The following CSNK1G1 variants were observed in gnomAD, a reference collection of about 807,000 sequenced individuals.
CSNK1G1 encodes the protein casein kinase 1 gamma 1.
CSNK1G1 carries 22 observed loss-of-function variants against 59.6 expected under a neutral mutation model. The ratio of observed to expected loss-of-function variants is 0.37; its 90% confidence interval spans 0.26 to 0.53. The LOEUF is 0.53. Among genes scored for constraint, CSNK1G1 ranks in the 20% least tolerant of loss-of-function variants. The pLI, the probability that CSNK1G1 is intolerant of heterozygous loss-of-function variation, is 0.89. For synonymous variants in CSNK1G1, 179 were observed against 177.1 expected (o/e 1.01, Z -0.08); for missense variants, 384 against 519.5 (o/e 0.74, Z 2.54).
chr15:64,213,820 G>C lies in CSNK1G1; in HGVS notation c.679+70C>G, dbSNP rs973216202. ...ACCACAAGTTGTAATGCACAATGGG[G>C]ATATAATGTTACAGAAATAATAAAC... On this transcript the variant is annotated intron_variant, in intron 6 of 11. Coordinates refer to ENST00000303052, the MANE Select transcript of CSNK1G1 (RefSeq NM_022048.5). 4 of 1,036,554 alleles carry C rather than the reference G, an allele frequency of 3.9e-6. No individual in the cohort carries two copies. The African/African-American group carries it at 6.3e-5, about 16-fold the overall frequency. 64.2% of individuals were successfully genotyped at this position (1,036,554 alleles called of 1,614,324 possible). A position where few individuals can be genotyped will look rare whatever the true frequency, so the allele number is the denominator to read the frequency against.
intron 3 of CSNK1G1, among the ~76,000 whole-genome samples, chr15:64,254,353 C>CTTTTTTT: frequency 7.4e-6 from 1 of 135,194 alleles, no homozygotes; most frequent in Non-Finnish European, 1.6e-5. Context: ...TGCCATTGAA[C>CTTTTTTT]TTTTTTTTTT....
At chr15:64,229,056 C>G (rs1167081489) in intron 4 of CSNK1G1, among the ~76,000 whole-genome samples, 1 of 148,742 alleles carries the variant, frequency 6.7e-6, no homozygotes, top group Non-Finnish European at 1.5e-5. Flanking sequence ...AAAAATACTA[C>G]AGAGTGGATA....
At chr15:64,231,977 A>G (rs189147731) in intron 4 of CSNK1G1, among the ~76,000 whole-genome samples, 1 of 152,320 alleles carries the variant, frequency 6.6e-6, no homozygotes, top group Admixed American at 6.5e-5. Flanking sequence ...CCCTCAAATT[A>G]CCCAGCATAG....
At chr15:64,221,670 T>C (rs958395926) in intron 4 of CSNK1G1, among the ~76,000 whole-genome samples, 8 of 151,698 alleles carry the variant, frequency 5.3e-5, no homozygotes, top group Admixed American at 1.3e-4. Context: ...GCACATTCCT[T>C]AGCCTCTCTG....
chr15:64,225,980 C>G (rs1300325919), intron 4 of CSNK1G1, among the ~76,000 whole-genome samples: 1 of 152,180 alleles, frequency 6.6e-6, no homozygotes, highest in Non-Finnish European at 1.5e-5. Context: ...AATCAGGGCT[C>G]TTGAGCCACC....
At position 64,167,633 on chromosome 15, in the gene CSNK1G1, G is replaced by C. The variant is rs1023349433; in HGVS notation, c.*4298C>G. The C allele has an allele frequency of 5.2e-5, 8 of 152,688 alleles. No individual in the cohort carries two copies. Among genetic ancestry groups the C allele is most frequent in the Non-Finnish European group, 7.3e-5 (5 of 68,066 alleles). 9.5% of individuals were successfully genotyped at this position (152,688 alleles called of 1,614,324 possible). ...CAATGTTGGCTGTATGGTGTTGCAG[G>C]CTCCCAATCTGAGAAACGAACCTTA... is the stretch of plus-strand genomic sequence containing the variant. On this transcript the variant is annotated 3_prime_UTR_variant, in exon 12 of 12. Coordinates refer to ENST00000303052, the MANE Select transcript of CSNK1G1 (RefSeq NM_022048.5).
At chr15:64,341,750 T>C (rs548405128) in intron 1 of CSNK1G1, among the ~76,000 whole-genome samples, 32 of 152,270 alleles carry the variant, frequency 2.1e-4, no homozygotes, top group African/African-American at 7.2e-4. Context: ...TTAAACTGTC[T>C]TAAGACTAAG....
At chr15:64,307,395 C>G (rs1345841646) in intron 1 of CSNK1G1, among the ~76,000 whole-genome samples, 4 of 152,074 alleles carry the variant, frequency 2.6e-5, no homozygotes, top group African/African-American at 7.2e-5. Context: ...TATTACAAAA[C>G]CTGTACAAAA....
chr15:64,203,820 G>C (rs1369321628), intron 9 of CSNK1G1, among the ~76,000 whole-genome samples: 3 of 151,484 alleles, frequency 2.0e-5, no homozygotes, highest in Admixed American at 6.6e-5. Context: ...CAAAGGTCAA[G>C]TACATTAACA....
intron 6 of CSNK1G1, among the ~76,000 whole-genome samples, chr15:64,212,397 TATTAC>T (rs2082259208): frequency 6.6e-6 from 1 of 152,214 alleles, no homozygotes; most frequent in Non-Finnish European, 1.5e-5. Context: ...ACTTAGTAGA[TATTAC>T]ATTAGTCTTT....
chr15:64,341,401 G>C (rs8028350), intron 1 of CSNK1G1, among the ~76,000 whole-genome samples: 99 of 152,038 alleles, frequency 6.5e-4, no homozygotes, highest in Non-Finnish European at 1.0e-3. Context: ...GCCTCCCAAA[G>C]TGCTGGGAAT....
At chr15:64,229,939 T>TTTTTTA (rs768405168) in intron 4 of CSNK1G1, among the ~76,000 whole-genome samples, 4 of 121,504 alleles carry the variant, frequency 3.3e-5, no homozygotes, top group East Asian at 2.3e-4. Context: ...TTTTTTTTTT[T>TTTTTTA]AAGACAGAAT....
At chr15:64,271,652 A>G (rs962217649) in intron 2 of CSNK1G1, among the ~76,000 whole-genome samples, 1 of 152,094 alleles carries the variant, frequency 6.6e-6, no homozygotes, top group African/African-American at 2.4e-5. Context: ...GGTTCTTTTG[A>G]ATTTGCTGAG....
At chr15:64,303,814 G>C (rs368895710) in intron 1 of CSNK1G1, among the ~76,000 whole-genome samples, 1 of 151,450 alleles carries the variant, frequency 6.6e-6, no homozygotes, top group African/African-American at 2.4e-5. Context: ...GTGACTTGGG[G>C]AGGCTGAAGT....
intron 4 of CSNK1G1, among the ~76,000 whole-genome samples, chr15:64,218,877 T>C (rs1414654784): frequency 2.2e-5 from 3 of 138,384 alleles, no homozygotes; most frequent in East Asian, 4.6e-4. Flanking sequence ...TTTTTTTACA[T>C]GGAGTTTCAC....
chr15:64,296,047 T>C (rs1012151408), intron 2 of CSNK1G1, among the ~76,000 whole-genome samples: 1 of 152,218 alleles, frequency 6.6e-6, no homozygotes, highest in African/African-American at 2.4e-5. Context: ...GCAGAAATCC[T>C]GTCCTATCAT....
At chr15:64,219,070 G>T (rs1358847052) in intron 4 of CSNK1G1, among the ~76,000 whole-genome samples, 1 of 151,596 alleles carries the variant, frequency 6.6e-6, no homozygotes, top group Non-Finnish European at 1.5e-5. Context: ...GGCCAGGCTG[G>T]CCTCAAACTC....
intron 2 of CSNK1G1, among the ~76,000 whole-genome samples, chr15:64,292,047 A>G (rs1195685262): frequency 6.6e-6 from 1 of 151,820 alleles, no homozygotes; most frequent in Non-Finnish European, 1.5e-5. Context: ...AAATACACAT[A>G]TTAAAAAAAA....
chr15:64,332,681 T>A (rs9744746), intron 1 of CSNK1G1, among the ~76,000 whole-genome samples: 130,501 of 148,616 alleles, frequency 0.88, 57,304 homozygotes, highest in East Asian at 0.99. Flanking sequence ...TAATTAAAAA[T>A]AAAATAAAAT....
Sources: allele counts gnomAD v4.1 joint callset (sites outside exome capture counted in the v4.1 genomes callset), GRCh38; gene constraint gnomAD v4.1.1; transcripts MANE v1.5; gene names NCBI Gene and HGNC (gene_info 2026-07-23, HGNC 2026-07-21).